The following NXN variants were observed in gnomAD, a reference collection of about 807,000 sequenced individuals.
The protein encoded by NXN is nucleoredoxin, also known as nucleoredoxin 1.
In NXN, 16 loss-of-function variants were observed where a neutral mutation model predicts 48.6. The ratio of observed to expected loss-of-function variants is 0.33; its 90% confidence interval spans 0.22 to 0.50. NXN has a LOEUF of 0.50. Among genes scored for constraint, NXN ranks in the 20% least tolerant of loss-of-function variants. The pLI, the probability that NXN is intolerant of heterozygous loss-of-function variation, is 0.98. For missense variants in NXN, 492 were observed against 605.5 expected, an observed-to-expected ratio of 0.81 and a Z score of 1.97; for synonymous variants, 281 against 269.6, an observed-to-expected ratio of 1.04 and a Z score of -0.41.
chr17:940,231 G>C (rs1338004497), intron 1 of NXN, among the ~76,000 whole-genome samples: 1 of 147,652 alleles, frequency 6.8e-6, no homozygotes, highest in East Asian at 2.0e-4. Context: ...ACTGTGCCTG[G>C]CCTCAATTTT....
intron 1 of NXN, among the ~76,000 whole-genome samples, chr17:897,478 G>A (rs572742859): frequency 1.4e-3 from 213 of 152,300 alleles, no homozygotes; most frequent in African/African-American, 4.7e-3. Context: ...AAGGCAGCAC[G>A]TAAATTGAAT....
At chr17:804,757 G>C (rs1322810828) in intron 6 of NXN, among the ~76,000 whole-genome samples, 1 of 152,218 alleles carries the variant, frequency 6.6e-6, no homozygotes, top group Non-Finnish European at 1.5e-5. Context: ...TGCAGCTGCC[G>C]TGTGTGCCAC....
intron 1 of NXN, among the ~76,000 whole-genome samples, chr17:954,382 A>C (rs191182701): frequency 9.3e-4 from 141 of 152,142 alleles, no homozygotes; most frequent in African/African-American, 3.3e-3. Context: ...CTCCATCTCC[A>C]AAAAAAAGAA....
chr17:909,080 C>G (rs1454024294), intron 1 of NXN, among the ~76,000 whole-genome samples: 1 of 132,742 alleles, frequency 7.5e-6, no homozygotes, highest in African/African-American at 3.0e-5. Context: ...GCCTGGGCGA[C>G]AGAGTGAGAC....
At chr17:846,378 C>T (rs2067860687) in intron 1 of NXN, among the ~76,000 whole-genome samples, 2 of 141,194 alleles carry the variant, frequency 1.4e-5, no homozygotes, top group South Asian at 4.3e-4. Context: ...GATCGTGCCA[C>T]TGCACTCCAG....
chr17:833,035 C>T (rs1913578806), intron 1 of NXN, among the ~76,000 whole-genome samples: 1 of 152,066 alleles, frequency 6.6e-6, no homozygotes, highest in South Asian at 2.1e-4. Flanking sequence ...GGACTACAGG[C>T]ACCTGCCACC....
At chr17:912,160 A>G (rs4968128) in intron 1 of NXN, among the ~76,000 whole-genome samples, 46,982 of 150,350 alleles carry the variant, frequency 0.31, 8,982 homozygotes, top group East Asian at 0.51. Flanking sequence ...CTGGTGTTGA[A>G]CTCCTAACAT....
At chr17:948,685 G>A (rs879681982) in intron 1 of NXN, among the ~76,000 whole-genome samples, 3 of 151,964 alleles carry the variant, frequency 2.0e-5, no homozygotes, top group Non-Finnish European at 2.9e-5. Flanking sequence ...AAGACAGCTG[G>A]GTCCCAACGC....
chr17:967,448 G>C (rs1465279297), intron 1 of NXN, among the ~76,000 whole-genome samples: 1 of 152,206 alleles, frequency 6.6e-6, no homozygotes, highest in East Asian at 1.9e-4. Flanking sequence ...CCTATATCTG[G>C]ACCTCTCACC....
intron 1 of NXN, among the ~76,000 whole-genome samples, chr17:862,293 C>T (rs2068048707): frequency 6.6e-6 from 1 of 152,200 alleles, no homozygotes; most frequent in Admixed American, 6.5e-5. Context: ...GGGTGGGAGG[C>T]TCCCTTGAGA....
intron 1 of NXN, among the ~76,000 whole-genome samples, chr17:855,867 C>G (rs1025332098): frequency 2.0e-5 from 3 of 152,092 alleles, no homozygotes; most frequent in Non-Finnish European, 4.4e-5. Context: ...ACAGGCAACT[C>G]CACAGCCGGC....
chr17:841,546 C>CGAGCAGGTCCACCCTGACCACAG, intron 1 of NXN, among the ~76,000 whole-genome samples: 1 of 118,580 alleles, frequency 8.4e-6, no homozygotes, highest in South Asian at 2.8e-4. Flanking sequence ...GCATCTCACG[C>CGAGCAGGTCCACCCTGACCACAG]CGGCGAGCAG....
At chr17:851,649 C>T (rs1217030347) in intron 1 of NXN, among the ~76,000 whole-genome samples, 1 of 152,208 alleles carries the variant, frequency 6.6e-6, no homozygotes, top group African/African-American at 2.4e-5. Flanking sequence ...CAGGCGTCCA[C>T]ATGTATCATT....
At chr17:890,728 T>C (rs2068407597) in intron 1 of NXN, among the ~76,000 whole-genome samples, 1 of 152,116 alleles carries the variant, frequency 6.6e-6, no homozygotes, top group Non-Finnish European at 1.5e-5. Context: ...TGGTTACATC[T>C]GGGGTTTTAT....
At chr17:938,146 T>C (rs1013366566) in intron 1 of NXN, among the ~76,000 whole-genome samples, 3 of 151,616 alleles carry the variant, frequency 2.0e-5, no homozygotes, top group African/African-American at 7.3e-5. Context: ...AGGAGAACCC[T>C]GTGAATATGC....
intron 1 of NXN, among the ~76,000 whole-genome samples, chr17:971,986 T>C (rs912058177): frequency 1.7e-4 from 26 of 151,888 alleles, no homozygotes; most frequent in Non-Finnish European, 5.9e-5. Flanking sequence ...GCCAACATGG[T>C]GAAACCCTGT....
chr17:934,341 G>T (rs1486825551), intron 1 of NXN, among the ~76,000 whole-genome samples: 1 of 152,018 alleles, frequency 6.6e-6, no homozygotes, highest in Non-Finnish European at 1.5e-5. Context: ...AGCTACTGGG[G>T]AGGCTGAGGC....
chr17:855,114 A>G (rs2067971665), intron 1 of NXN, among the ~76,000 whole-genome samples: 1 of 152,120 alleles, frequency 6.6e-6, no homozygotes, highest in African/African-American at 2.4e-5. Context: ...CCATCTCTAC[A>G]AAAAGTAAAA....
At chr17:960,285 T>C (rs1047594980) in intron 1 of NXN, among the ~76,000 whole-genome samples, 14 of 152,184 alleles carry the variant, frequency 9.2e-5, no homozygotes, top group African/African-American at 2.9e-4. Flanking sequence ...ATCTCGCTTT[T>C]CTGAATGCAG....
Sources: allele counts gnomAD v4.1 joint callset (sites outside exome capture counted in the v4.1 genomes callset), GRCh38; gene constraint gnomAD v4.1.1; transcripts MANE v1.5; gene names NCBI Gene and HGNC (gene_info 2026-07-23, HGNC 2026-07-21).